Variants in NEDD4L observed in about 807,000 individuals in gnomAD.
The protein encoded by NEDD4L is E3 ubiquitin-protein ligase NEDD4-like.
A neutral mutation model predicts 148.9 loss-of-function variants in NEDD4L; 54 were observed. The observed-to-expected ratio is 0.36, with a 90% CI of 0.29 to 0.45. NEDD4L has a LOEUF of 0.45. Ranked by LOEUF, NEDD4L falls within the 20% of genes least tolerant of loss-of-function variation. NEDD4L has a pLI of 1.00. For synonymous variants in NEDD4L, 433 were observed against 440.7 expected, an observed-to-expected ratio of 0.98 and a Z score of 0.22; for missense variants, 856 against 1,233.8, an observed-to-expected ratio of 0.69 and a Z score of 4.59.
At chr18:58,175,333 G>C (rs1186722714) in intron 2 of NEDD4L, among the ~76,000 whole-genome samples, 1 of 152,244 alleles carries the variant, frequency 6.6e-6, no homozygotes, top group African/African-American at 2.4e-5. Flanking sequence ...GTTTTCATGG[G>C]GGCTGGTTTC....
intron 1 of NEDD4L, among the ~76,000 whole-genome samples, chr18:58,049,847 C>T (rs552520435): frequency 2.0e-5 from 3 of 151,800 alleles, no homozygotes; most frequent in South Asian, 4.2e-4. Flanking sequence ...CATGGCGGCA[C>T]GTGCCTGTAG....
rs76571995 is a variant in NEDD4L, at chr18:58,196,546, T to A, written c.122+30685T>A. ...CTCAAACATACAAACTGTTATTCCC[T>A]TTAAGAGAAAATAAAACTGGCACTT... On this transcript the variant is annotated intron_variant, in intron 2 of 30. Coordinates refer to ENST00000400345, the MANE Select transcript of NEDD4L (RefSeq NM_001144967.3). Among the ~76,000 whole-genome samples the A allele has an allele frequency of 6.4e-3, 976 of 152,290 alleles. 14 individuals are homozygous for A. The highest frequency in any genetic ancestry group is 0.05 in the East Asian group (260 of 5,182).
At chr18:58,051,942 A>C (rs1211557855) in intron 1 of NEDD4L, among the ~76,000 whole-genome samples, 1 of 152,170 alleles carries the variant, frequency 6.6e-6, no homozygotes, top group Non-Finnish European at 1.5e-5. Flanking sequence ...ACTGTATTTC[A>C]AATGTATTTC....
chr18:58,126,370 A>G (rs1241398800), intron 1 of NEDD4L, among the ~76,000 whole-genome samples: 2 of 152,208 alleles, frequency 1.3e-5, no homozygotes, highest in East Asian at 1.9e-4. Flanking sequence ...AATATTTTGC[A>G]TAAACGGAAT....
At chr18:58,182,831 A>G (rs897388462) in intron 2 of NEDD4L, among the ~76,000 whole-genome samples, 1 of 152,218 alleles carries the variant, frequency 6.6e-6, no homozygotes. Context: ...TCTATGCACT[A>G]TGCAGGGAGG....
chr18:58,155,322 A>G (rs1390118989), intron 1 of NEDD4L, among the ~76,000 whole-genome samples: 1 of 152,070 alleles, frequency 6.6e-6, no homozygotes, highest in African/African-American at 2.4e-5. Flanking sequence ...TTTAAAAAAA[A>G]AAAAAAACGC....
At chr18:58,379,721 C>T (rs749331520) in intron 24 of NEDD4L, among the ~76,000 whole-genome samples, 31 of 152,148 alleles carry the variant, frequency 2.0e-4, no homozygotes, top group Admixed American at 8.5e-4. Flanking sequence ...CCCCGACAGC[C>T]GGTCTCAAAA....
intron 1 of NEDD4L, among the ~76,000 whole-genome samples, chr18:58,097,965 G>T (rs1296811397): frequency 1.3e-5 from 2 of 152,190 alleles, no homozygotes; most frequent in African/African-American, 4.8e-5. Flanking sequence ...GGAGGTCAAG[G>T]CTACAGTGAG....
intron 2 of NEDD4L, among the ~76,000 whole-genome samples, chr18:58,234,332 C>T (rs924587555): frequency 7.3e-6 from 1 of 137,572 alleles, no homozygotes; most frequent in Non-Finnish European, 1.6e-5. Context: ...CCTTCTCTCC[C>T]TCCCTCCCTC....
chr18:58,162,692 C>T (rs1358030453), intron 1 of NEDD4L, among the ~76,000 whole-genome samples: 3 of 151,242 alleles, frequency 2.0e-5, no homozygotes, highest in East Asian at 3.9e-4. Context: ...GTGTCTGGCA[C>T]GTGATGGGTA....
intron 23 of NEDD4L, 51 bp from the exon 24 acceptor site, chr18:58,373,123 T>C (rs1369322976): frequency 5.2e-6 from 5 of 955,350 alleles, no homozygotes; most frequent in Non-Finnish European, 8.3e-6. Flanking sequence ...TCAAATGAGT[T>C]TGTATTTTGG....
intron 13 of NEDD4L, among the ~76,000 whole-genome samples, chr18:58,339,498 C>T (rs1184798310): frequency 6.6e-6 from 1 of 152,166 alleles, no homozygotes; most frequent in Non-Finnish European, 1.5e-5. Flanking sequence ...GTTTCTTCTG[C>T]TCCTGCTGAG....
chr18:58,377,033 T>C (rs2047659332), intron 24 of NEDD4L, among the ~76,000 whole-genome samples: 1 of 152,168 alleles, frequency 6.6e-6, no homozygotes, highest in African/African-American at 2.4e-5. Flanking sequence ...CACAGACGAC[T>C]TTGCATTTGT....
chr18:58,071,927 A>G (rs900899108), intron 1 of NEDD4L, among the ~76,000 whole-genome samples: 2 of 152,230 alleles, frequency 1.3e-5, no homozygotes, highest in Non-Finnish European at 2.9e-5. Context: ...TCTCCACCTT[A>G]TCCTGCCCTT....
chr18:58,210,716 A>G (rs2042522646), intron 2 of NEDD4L, among the ~76,000 whole-genome samples: 1 of 152,218 alleles, frequency 6.6e-6, no homozygotes, highest in South Asian at 2.1e-4. Flanking sequence ...GGACATACTA[A>G]AACATGGAAA....
At chr18:58,374,075 C>T (rs567155353) in intron 24 of NEDD4L, among the ~76,000 whole-genome samples, 80 of 152,284 alleles carry the variant, frequency 5.3e-4, no homozygotes, top group African/African-American at 1.5e-3. Context: ...GACCATAGAA[C>T]TCATTGTAAT....
At chr18:58,112,129 C>T (rs1182751633) in intron 1 of NEDD4L, among the ~76,000 whole-genome samples, 3 of 152,154 alleles carry the variant, frequency 2.0e-5, no homozygotes, top group Non-Finnish European at 2.9e-5. Flanking sequence ...AGGATTTGTC[C>T]GTGTCAACAT....
rs1264934960 is a variant in NEDD4L, at chr18:58,059,276, T to C, written c.48+14568T>C. ...TGTCATTACTGAGAATTTTACTCTT[T>C]ATTCTCTTTCCTCAAATTCTAAGTG... is the stretch of plus-strand genomic sequence containing the variant. On this transcript the variant is annotated intron_variant, in intron 1 of 30. Coordinates refer to ENST00000400345, the MANE Select transcript of NEDD4L (RefSeq NM_001144967.3). Among the ~76,000 whole-genome samples, 9 of 152,182 alleles carry C rather than the reference T, an allele frequency of 5.9e-5. No homozygotes were observed. In the East Asian group the frequency reaches 1.5e-3, roughly 26 times the overall value.
At chr18:58,066,092 AAATT>A in intron 1 of NEDD4L, among the ~76,000 whole-genome samples, 1 of 152,358 alleles carries the variant, frequency 6.6e-6, no homozygotes, top group South Asian at 2.1e-4. Flanking sequence ...AAAATAGCAG[AAATT>A]ACTGCTGGAT....
Sources: allele counts gnomAD v4.1 joint callset (sites outside exome capture counted in the v4.1 genomes callset), GRCh38; gene constraint gnomAD v4.1.1; transcripts MANE v1.5; gene names NCBI Gene and HGNC (gene_info 2026-07-23, HGNC 2026-07-21).